SLC14A2: variants seen among roughly 807,000 people sequenced by gnomAD.
SLC14A2 encodes urea transporter 2.
SLC14A2 carries 91 observed loss-of-function variants against 104.6 expected under a neutral mutation model. The observed-to-expected ratio is 0.87, with a 90% CI of 0.73 to 1.04. The LOEUF (loss-of-function observed/expected upper bound fraction) is 1.04. Among genes scored for constraint, SLC14A2 ranks in the 50% least tolerant of loss-of-function variants. SLC14A2 has a pLI of 0.00. For missense variants in SLC14A2, 1,189 were observed against 1,156.0 expected, an observed-to-expected ratio of 1.03 and a Z score of -0.41; for synonymous variants, 476 against 466.4, an observed-to-expected ratio of 1.02 and a Z score of -0.27.
At chr18:45,313,386 G>C (rs973865398) in intron 1 of SLC14A2, among the ~76,000 whole-genome samples, 3 of 152,136 alleles carry the variant, frequency 2.0e-5, no homozygotes, top group Non-Finnish European at 2.9e-5. Context: ...GAAGTCATTT[G>C]CTCAGAGTCA....
chr18:45,216,262 A>G (rs1195400732), intron 1 of SLC14A2, among the ~76,000 whole-genome samples: 1 of 152,166 alleles, frequency 6.6e-6, no homozygotes, highest in Non-Finnish European at 1.5e-5. Flanking sequence ...TAAATGCTCA[A>G]TCAGGGCTAT....
intron 1 of SLC14A2, among the ~76,000 whole-genome samples, chr18:45,417,330 A>G (rs1405975186): frequency 6.6e-6 from 1 of 151,992 alleles, no homozygotes; most frequent in Non-Finnish European, 1.5e-5. Flanking sequence ...CTTACAGGCC[A>G]TTTGTATTTG....
chr18:45,422,954 T>C (rs1005334879), intron 1 of SLC14A2, among the ~76,000 whole-genome samples: 1 of 152,162 alleles, frequency 6.6e-6, no homozygotes, highest in Non-Finnish European at 1.5e-5. Context: ...TGCTGTCCCC[T>C]CCTAACTTTT....
chr18:45,485,389 T>A (rs908532197), intron 2 of SLC14A2: 1 of 152,216 alleles, frequency 6.6e-6, no homozygotes, highest in Admixed American at 6.5e-5. Context: ...TTCCACTACA[T>A]GCTACTGACC....
the SLC14A2 span, among the ~76,000 whole-genome samples, chr18:45,174,414 A>G: frequency 6.6e-6 from 1 of 152,104 alleles, no homozygotes; most frequent in Non-Finnish European, 1.5e-5. Context: ...CTATCTTGAG[A>G]ATAATTGTTC....
At chr18:45,478,594 G>C (rs1203736830) in intron 1 of SLC14A2, among the ~76,000 whole-genome samples, 1 of 151,962 alleles carries the variant, frequency 6.6e-6, no homozygotes, top group Non-Finnish European at 1.5e-5. Flanking sequence ...TTTAATTCTG[G>C]CTCATATTTG....
At chr18:45,599,085 T>C (rs2044753348) in intron 2 of SLC14A2, among the ~76,000 whole-genome samples, 2 of 152,154 alleles carry the variant, frequency 1.3e-5, no homozygotes, top group Admixed American at 1.3e-4. Flanking sequence ...GTCATAAACA[T>C]TCAAATAAAT....
chr18:45,617,129 G>T (rs1383802110), intron 1 of SLC14A2, among the ~76,000 whole-genome samples: 1 of 152,156 alleles, frequency 6.6e-6, no homozygotes, highest in African/African-American at 2.4e-5. Context: ...TAAGAAGGGT[G>T]TGACGATCTC....
intron 1 of SLC14A2, among the ~76,000 whole-genome samples, chr18:45,447,820 T>A (rs1040948731): frequency 3.9e-5 from 6 of 152,240 alleles, no homozygotes; most frequent in African/African-American, 1.4e-4. Flanking sequence ...AAAGCCTGAA[T>A]TTTCTTTTAG....
At chr18:45,576,535 G>A (rs552712009) in intron 2 of SLC14A2, among the ~76,000 whole-genome samples, 21 of 151,668 alleles carry the variant, frequency 1.4e-4, no homozygotes, top group African/African-American at 4.6e-4. Flanking sequence ...CACCTGCCTC[G>A]GCCTCCCAAA....
intron 2 of SLC14A2, among the ~76,000 whole-genome samples, chr18:45,518,315 G>A (rs2043470531): frequency 6.6e-6 from 1 of 152,112 alleles, no homozygotes; most frequent in Non-Finnish European, 1.5e-5. Flanking sequence ...AATGACTAAT[G>A]ATCCTCTTTA....
At chr18:45,420,793 T>G (rs1598785256) in intron 1 of SLC14A2, among the ~76,000 whole-genome samples, 1 of 151,274 alleles carries the variant, frequency 6.6e-6, no homozygotes. Context: ...CAGGCTGGAG[T>G]GCAGTTGTGT....
At chr18:45,536,606 A>G (rs562763673) in intron 2 of SLC14A2, among the ~76,000 whole-genome samples, 1 of 152,234 alleles carries the variant, frequency 6.6e-6, no homozygotes, top group South Asian at 2.1e-4. Flanking sequence ...GTATGATCTC[A>G]TCTTAATTTA....
intron 1 of SLC14A2, among the ~76,000 whole-genome samples, chr18:45,280,848 C>G (rs1024647126): frequency 5.3e-5 from 8 of 152,196 alleles, no homozygotes; most frequent in African/African-American, 1.7e-4. Context: ...CAATTCTGCC[C>G]TTCTCACCTA....
At chr18:45,464,927 C>T (rs1363217762) in intron 1 of SLC14A2, among the ~76,000 whole-genome samples, 1 of 152,122 alleles carries the variant, frequency 6.6e-6, no homozygotes, top group Non-Finnish European at 1.5e-5. Context: ...TAGATTGTCC[C>T]CTTCTCACCG....
intron 1 of SLC14A2, among the ~76,000 whole-genome samples, chr18:45,216,377 C>T (rs1479309543): frequency 6.6e-6 from 1 of 152,144 alleles, no homozygotes; most frequent in Non-Finnish European, 1.5e-5. Context: ...CCTGTCCTCC[C>T]TGCTGGCCAA....
intron 2 of SLC14A2, among the ~76,000 whole-genome samples, chr18:45,556,569 A>G (rs371558977): frequency 1.3e-5 from 2 of 152,150 alleles, no homozygotes; most frequent in East Asian, 1.9e-4. Context: ...AATTTATTTA[A>G]TCTCTCTATG....
chr18:45,228,441 G>A (rs2084141221), intron 1 of SLC14A2, among the ~76,000 whole-genome samples: 2 of 152,134 alleles, frequency 1.3e-5, no homozygotes, highest in South Asian at 2.1e-4. Context: ...CACCATGGGA[G>A]GCCTGCTTTG....
At chr18:45,333,806 A>T (rs1019340434) in intron 1 of SLC14A2, among the ~76,000 whole-genome samples, 2 of 152,236 alleles carry the variant, frequency 1.3e-5, no homozygotes, top group Non-Finnish European at 1.5e-5. Flanking sequence ...TAATTTAATA[A>T]GTGTTTATTG....
Sources: allele counts gnomAD v4.1 joint callset (sites outside exome capture counted in the v4.1 genomes callset), GRCh38; gene constraint gnomAD v4.1.1; transcripts MANE v1.5; gene names NCBI Gene and HGNC (gene_info 2026-07-23, HGNC 2026-07-21).